Variants in TMTC1 observed in about 807,000 individuals in gnomAD.
TMTC1 encodes protein O-mannosyl-transferase TMTC1.
In TMTC1, 73 loss-of-function variants were observed where a neutral mutation model predicts 104.8. The ratio of observed to expected loss-of-function variants is 0.70; its 90% CI spans 0.58 to 0.85. The LOEUF is 0.85. TMTC1 is among the 40% of genes least tolerant of loss of function. TMTC1 has a pLI of 0.00. For synonymous variants in TMTC1, 434 were observed against 428.7 expected, an observed-to-expected ratio of 1.01 and a Z score of -0.15; for missense variants, 1,035 against 1,096.1, an observed-to-expected ratio of 0.94 and a Z score of 0.79.
chr12:29,665,387 G>A (rs935596186), intron 5 of TMTC1, among the ~76,000 whole-genome samples: 3 of 151,996 alleles, frequency 2.0e-5, no homozygotes, highest in East Asian at 1.9e-4. Context: ...CCTAATCTAC[G>A]CTCCCACATA....
chr12:29,599,522 T>C (rs1390213984), intron 7 of TMTC1, among the ~76,000 whole-genome samples: 1 of 152,204 alleles, frequency 6.6e-6, no homozygotes, highest in Non-Finnish European at 1.5e-5. Context: ...AAGATTTAAG[T>C]GGCTAGTTCA....
intron 16 of TMTC1, among the ~76,000 whole-genome samples, chr12:29,514,132 G>A (rs1218099499): frequency 1.3e-5 from 2 of 152,252 alleles, no homozygotes; most frequent in East Asian, 3.9e-4. Context: ...AAGGACATGT[G>A]GGAATGTCCA....
chr12:29,577,344 G>A (rs1171868660), intron 8 of TMTC1, among the ~76,000 whole-genome samples: 1 of 152,138 alleles, frequency 6.6e-6, no homozygotes, highest in Non-Finnish European at 1.5e-5. Context: ...GATGAGATGA[G>A]ATCTACATTT....
At chr12:29,574,181 G>A (rs1323612139) in intron 8 of TMTC1, among the ~76,000 whole-genome samples, 2 of 152,212 alleles carry the variant, frequency 1.3e-5, no homozygotes, top group South Asian at 2.1e-4. Context: ...TGTTCATGTC[G>A]ATTCAGTTTT....
chr12:29,590,372 C>T (rs1368720992), intron 7 of TMTC1, among the ~76,000 whole-genome samples: 1 of 152,176 alleles, frequency 6.6e-6, no homozygotes, highest in Non-Finnish European at 1.5e-5. Context: ...CACTATAACC[C>T]ACACCCTGCA....
intron 5 of TMTC1, among the ~76,000 whole-genome samples, chr12:29,707,184 A>G (rs978951844): frequency 3.9e-5 from 6 of 152,058 alleles, no homozygotes; most frequent in African/African-American, 1.4e-4. Context: ...TGGTTTTAGA[A>G]CCATGCTGGA....
chr12:29,664,355 T>C (rs896893325), intron 5 of TMTC1, among the ~76,000 whole-genome samples: 2 of 152,030 alleles, frequency 1.3e-5, no homozygotes, highest in Non-Finnish European at 2.9e-5. Flanking sequence ...CAATAGTAAA[T>C]GAGAAAGTAA....
Position 29,586,321 on chromosome 12 carries a change from T to G in TMTC1, c.1251-2747A>C, listed in dbSNP as rs965292176. Among the ~76,000 whole-genome samples, 80 of 152,248 alleles carry G rather than the reference T, an allele frequency of 5.3e-4. 1 individual carries two copies. The highest frequency in any genetic ancestry group is 9.3e-4 in the Non-Finnish European group (63 of 67,970). The stretch of plus-strand genomic sequence containing the variant: ...ACTTTGCTGAAGTTGCTTATCAGCT[T>G]AAGGAGATTTTGGGCTGAGATGATG... On this transcript the variant is annotated intron_variant, in intron 7 of 17. Coordinates refer to ENST00000539277, the MANE Select transcript of TMTC1 (RefSeq NM_001193451.2).
chr12:29,507,113 T>A, intron 17 of TMTC1, 127 bp from the exon 18 acceptor site: 1 of 762,026 alleles, frequency 1.3e-6, no homozygotes, highest in Non-Finnish European at 2.2e-6. Flanking sequence ...AAACTCTGTC[T>A]GTATGTGTAA....
At chr12:29,639,445 G>A (rs1245121507) in intron 5 of TMTC1, among the ~76,000 whole-genome samples, 1 of 152,114 alleles carries the variant, frequency 6.6e-6, no homozygotes, top group Non-Finnish European at 1.5e-5. Context: ...ATATAAAAAT[G>A]ATAAAAATTA....
At chr12:29,624,064 C>G (rs957599087) in intron 6 of TMTC1, among the ~76,000 whole-genome samples, 6 of 152,072 alleles carry the variant, frequency 3.9e-5, no homozygotes, top group African/African-American at 1.4e-4. Flanking sequence ...ACTGCAACTT[C>G]TACCTCCCAG....
intron 5 of TMTC1, among the ~76,000 whole-genome samples, chr12:29,636,590 C>A (rs535186534): frequency 6.6e-6 from 1 of 151,796 alleles, no homozygotes; most frequent in Non-Finnish European, 1.5e-5. Context: ...GAGGCCGAGG[C>A]GGGCGGATCA....
At chr12:29,668,454 CTTTTTTT>C (rs66652706) in intron 5 of TMTC1, among the ~76,000 whole-genome samples, 116 of 90,102 alleles carry the variant, frequency 1.3e-3, no homozygotes, top group African/African-American at 4.5e-3. Context: ...ACCAACTTAT[CTTTTTTT>C]TTTTTTTTTT....
At chr12:29,641,529 T>C (rs113386809) in intron 5 of TMTC1, among the ~76,000 whole-genome samples, 2,293 of 152,060 alleles carry the variant, frequency 0.015, 58 homozygotes, top group African/African-American at 0.053. Flanking sequence ...GCCACATCCA[T>C]AGGAAATGGG....
intron 7 of TMTC1, among the ~76,000 whole-genome samples, chr12:29,593,876 C>A (rs1485811068): frequency 6.6e-6 from 1 of 152,328 alleles, no homozygotes; most frequent in East Asian, 1.9e-4. Flanking sequence ...CCCTAAGCAA[C>A]TAAAACATAG....
At chr12:29,690,839 G>C (rs1236029348) in intron 5 of TMTC1, among the ~76,000 whole-genome samples, 1 of 152,130 alleles carries the variant, frequency 6.6e-6, no homozygotes, top group Non-Finnish European at 1.5e-5. Context: ...CTAAGGTTTG[G>C]GTTCTTTTTA....
chr12:29,729,493 C>T (rs1039795727), intron 5 of TMTC1, among the ~76,000 whole-genome samples: 2 of 152,136 alleles, frequency 1.3e-5, no homozygotes, highest in Non-Finnish European at 2.9e-5. Flanking sequence ...GGGTGTTTCT[C>T]ACCCAGACTC....
chr12:29,639,143 G>A (rs1406134867), intron 5 of TMTC1, among the ~76,000 whole-genome samples: 1 of 152,154 alleles, frequency 6.6e-6, no homozygotes, highest in Non-Finnish European at 1.5e-5. Flanking sequence ...GTATGATCTA[G>A]CCTCTGCCTT....
rs192761718 is a variant in TMTC1, at chr12:29,584,472, A to G, written c.1251-898T>C. ...TTATTATTATTATACTTTAAGTTTT[A>G]GGGTACATGTGCACAATGTGCAGGT... On this transcript the variant is annotated intron_variant, in intron 7 of 17. Coordinates refer to ENST00000539277, the MANE Select transcript of TMTC1 (RefSeq NM_001193451.2). Among the ~76,000 whole-genome samples, 713 of 151,692 alleles carry G rather than the reference A, an allele frequency of 4.7e-3. 6 individuals carry two copies. The highest frequency in any genetic ancestry group is 0.015 in the African/African-American group (618 of 41,310).
Sources: gnomAD v4.1 joint callset for allele counts (sites outside exome capture counted in the v4.1 genomes callset) on GRCh38, gnomAD v4.1.1 for gene constraint, MANE v1.5 for transcripts, NCBI Gene and HGNC (gene_info 2026-07-23, HGNC 2026-07-21) for gene names.